RAP1GAP2: variants seen among roughly 807,000 people sequenced by gnomAD.
RAP1GAP2 encodes the protein RAP1 GTPase activating protein 2.
RAP1GAP2 carries 27 observed loss-of-function variants against 95.0 expected under a neutral mutation model. That is an observed-to-expected ratio of 0.28 (90% CI 0.21 to 0.39). RAP1GAP2 has a LOEUF of 0.39. Ranked by LOEUF, RAP1GAP2 falls within the 10% of genes least tolerant of loss-of-function variation. RAP1GAP2 has a pLI of 1.00. For missense variants in RAP1GAP2, 771 were observed against 970.0 expected, an observed-to-expected ratio of 0.79 and a Z score of 2.72; for synonymous variants, 373 against 380.9, an observed-to-expected ratio of 0.98 and a Z score of 0.24.
intron 1 of RAP1GAP2, among the ~76,000 whole-genome samples, chr17:2,785,919 T>TA (rs2068760772): frequency 6.6e-6 from 1 of 150,796 alleles, no homozygotes; most frequent in Non-Finnish European, 1.5e-5. Flanking sequence ...TTTTTTTTTT[T>TA]AGACAGAGAT....
rs367746785 is a variant in RAP1GAP2 at position 2,798,228 on chromosome 17, C to G, written c.44+1657C>G. Reference sequence around the variant, plus strand: ...GTGAGCCGAAGGTGGAGGAAGAGCCCTAGGATGTCCCAGACGCCCTTGTGT... The same window carrying G: ...GTGAGCCGAAGGTGGAGGAAGAGCCGTAGGATGTCCCAGACGCCCTTGTGT... On this transcript the variant is annotated intron_variant, in intron 1 of 24. Transcript: ENST00000254695. Among the ~76,000 whole-genome samples, 12 of 152,194 alleles carry G rather than the reference C, an allele frequency of 7.9e-5. 1 individual carries two copies. The highest frequency in any genetic ancestry group is 7.2e-4 in the Admixed American group (11 of 15,296).
intron 1 of RAP1GAP2, among the ~76,000 whole-genome samples, chr17:2,779,413 C>T (rs2068584013): frequency 6.6e-6 from 1 of 152,172 alleles, no homozygotes; most frequent in South Asian, 2.1e-4. Flanking sequence ...GGTGGGTCCG[C>T]ATAAGAGGAC....
intron 1 of RAP1GAP2, among the ~76,000 whole-genome samples, chr17:2,758,181 C>CCTTTT (rs1555537910): frequency 8.1e-6 from 1 of 124,148 alleles, no homozygotes; most frequent in Admixed American, 8.2e-5. Flanking sequence ...GCCCCCCCCC[C>CCTTTT]TTTTTTTTTT....
At position 3,005,285 on chromosome 17, in the gene RAP1GAP2, G is replaced by A. The variant is rs752419117; in HGVS notation, c.1201-84G>A. ...GGGAAGAGGAGGAGGGAGAAGGTGA[G>A]TAGCTTTGTAAGGAGCGTGGCTCCC... On this transcript the variant is annotated intron_variant, in intron 14 of 24. Coordinates refer to ENST00000254695, the MANE Select transcript of RAP1GAP2 (RefSeq NM_015085.5). The surrounding 1 kb of genome is among the most constrained non-coding windows in gnomAD (Gnocchi z 5.2). 7.6e-7 allele frequency: 1 copy of A among 1,313,782 alleles called. No homozygotes were observed. The highest frequency in any genetic ancestry group is 1.1e-6 in the Non-Finnish European group (1 of 906,318). The allele number at this position is 1,313,782 out of a possible 1,614,324, so 81.4% of individuals were successfully genotyped here. A position where few individuals can be genotyped will look rare whatever the true frequency, so the allele number is the denominator to read the frequency against.
At chr17:3,018,673 C>T (rs1424392189) in intron 18 of RAP1GAP2, among the ~76,000 whole-genome samples, 9 of 152,148 alleles carry the variant, frequency 5.9e-5, no homozygotes, top group Admixed American at 5.2e-4. Flanking sequence ...AGCAGCTGCC[C>T]GAGATGGGTG....
Position 2,827,998 on chromosome 17 carries a change from C to G in RAP1GAP2, c.80+27448C>G, listed in dbSNP as rs955101152. 2.6e-5 allele frequency among the ~76,000 whole-genome samples: 4 copies of G among 152,122 alleles called. No individual in the cohort carries two copies. The highest frequency in any genetic ancestry group is 5.9e-5 in the Non-Finnish European group (4 of 68,042). ...AAGAGGCCGTCCCTGGGCCTGCAAG[C>G]ATGAGATGAGCCGAGCACTTGACCA... On this transcript the variant is annotated intron_variant, in intron 2 of 24. Transcript: ENST00000254695. The surrounding 1 kb of genome is among the most constrained non-coding windows in gnomAD (Gnocchi z 4.1).
chr17:2,797,153 T>A lies in RAP1GAP2; in HGVS notation c.44+582T>A, dbSNP rs138961521. 1.9e-4 allele frequency among the ~76,000 whole-genome samples: 29 copies of A among 152,274 alleles called. No homozygotes were observed. In the East Asian group the frequency reaches 5.6e-3, roughly 29 times the overall value. On this transcript the variant is annotated intron_variant, in intron 1 of 24. Transcript: ENST00000254695. The surrounding 1 kb of genome is among the most constrained non-coding windows in gnomAD (Gnocchi z 5.6). ...GTACCTGCTGGACCTCTGGGCTGCC[T>A]GCTGTCTTGGGGGTGGGTTGTGAGA...
At chr17:2,780,111 C>T (rs181125901) in intron 1 of RAP1GAP2, among the ~76,000 whole-genome samples, 42 of 152,254 alleles carry the variant, frequency 2.8e-4, no homozygotes, top group East Asian at 7.7e-4. Flanking sequence ...AGTGCAGTGG[C>T]GCGATCTCGG....
chr17:2,851,264 C>T (rs559091276), intron 2 of RAP1GAP2, among the ~76,000 whole-genome samples: 2 of 152,184 alleles, frequency 1.3e-5, no homozygotes, highest in African/African-American at 4.8e-5. Context: ...CTGTTTGTTT[C>T]GGGCAGGGAT....
Position 3,003,403 on chromosome 17 carries a change from C to T in RAP1GAP2, c.1201-1966C>T, listed in dbSNP as rs1257213992. Among the ~76,000 whole-genome samples, 1 of 152,182 alleles carries T rather than the reference C, an allele frequency of 6.6e-6. No homozygotes were observed. The highest frequency in any genetic ancestry group is 1.9e-4 in the East Asian group (1 of 5,178). On this transcript the variant is annotated intron_variant, in intron 14 of 24. Coordinates refer to ENST00000254695, the MANE Select transcript of RAP1GAP2 (RefSeq NM_015085.5). The surrounding 1 kb of genome is among the most constrained non-coding windows in gnomAD (Gnocchi z 4.1). ...TATCCCTGCCTCCCTCTCCGGAAGT[C>T]CTCAAAGGTGTCAGGAATCTCAGGT...
At chr17:2,925,441 C>A (rs187490731) in intron 3 of RAP1GAP2, among the ~76,000 whole-genome samples, 2 of 152,062 alleles carry the variant, frequency 1.3e-5, no homozygotes, top group Non-Finnish European at 2.9e-5. Context: ...AAGAGAAGAG[C>A]GAAGGAGGAG....
intron 2 of RAP1GAP2, among the ~76,000 whole-genome samples, chr17:2,833,889 T>C (rs139050564): frequency 6.6e-6 from 1 of 152,196 alleles, no homozygotes; most frequent in African/African-American, 2.4e-5. Flanking sequence ...TACATGTTGC[T>C]TGTCTGTTGG....
chr17:2,809,930 C>T (rs73308047), intron 2 of RAP1GAP2, among the ~76,000 whole-genome samples: 1,870 of 152,200 alleles, frequency 0.012, 47 homozygotes, highest in African/African-American at 0.042. Context: ...CCCTTCCTCC[C>T]GCTGGCTCCT....
intron 2 of RAP1GAP2, among the ~76,000 whole-genome samples, chr17:2,815,579 T>C (rs1275716869): frequency 1.3e-5 from 2 of 151,784 alleles, no homozygotes; most frequent in Non-Finnish European, 2.9e-5. Context: ...CCTCCCCGGT[T>C]CAAGCGATTC....
intron 2 of RAP1GAP2, among the ~76,000 whole-genome samples, chr17:2,802,613 A>T (rs1437980511): frequency 6.6e-6 from 1 of 152,156 alleles, no homozygotes; most frequent in Admixed American, 6.5e-5. Flanking sequence ...CGGCCGACTG[A>T]GGCAGGAGAA....
intron 2 of RAP1GAP2, among the ~76,000 whole-genome samples, chr17:2,851,609 T>G (rs2071851164): frequency 6.6e-6 from 1 of 152,110 alleles, no homozygotes; most frequent in Non-Finnish European, 1.5e-5. Context: ...TACGATTTTT[T>G]GGGGGACAGC....
intron 2 of RAP1GAP2, among the ~76,000 whole-genome samples, chr17:2,845,149 G>A (rs2151579570): frequency 6.6e-6 from 1 of 152,220 alleles, no homozygotes; most frequent in Admixed American, 6.5e-5. Context: ...TTTTGTTGTT[G>A]TTTTTTGTTT....
chr17:2,772,861 T>TC (rs1567637209), upstream of RAP1GAP2, among the ~76,000 whole-genome samples: 60 of 145,666 alleles, frequency 4.1e-4, no homozygotes, highest in African/African-American at 1.5e-3. Context: ...CTTTCTTTTT[T>TC]TTTTTTTTTT....
At chr17:2,991,247 A>G (rs1390954145) in intron 11 of RAP1GAP2, 50 bp from the exon 12 acceptor site, 1 of 1,422,426 alleles carries the variant, frequency 7.0e-7, no homozygotes. Context: ...TTCCTTTAGC[A>G]TCAGAAAGAA....
Sources: allele counts gnomAD v4.1 joint callset (sites outside exome capture counted in the v4.1 genomes callset), GRCh38; gene constraint gnomAD v4.1.1; non-coding constraint Gnocchi (gnomAD v3.1); transcripts MANE v1.5; gene names NCBI Gene and HGNC (gene_info 2026-07-23, HGNC 2026-07-21).